PDE4DIP: variants seen among roughly 807,000 people sequenced by gnomAD.
PDE4DIP encodes the protein myomegalin.
In PDE4DIP, 59 loss-of-function variants were observed where a neutral mutation model predicts 221.4. That is an observed-to-expected ratio of 0.27 (90% CI 0.22 to 0.33). The LOEUF is 0.33. Among genes scored for constraint, PDE4DIP ranks in the 10% least tolerant of loss-of-function variants. The pLI, the probability that PDE4DIP is intolerant of heterozygous loss-of-function variation, is 1.00. For missense variants in PDE4DIP, 1,036 were observed against 2,154.2 expected (o/e 0.48, Z 10.28); for synonymous variants, 404 against 815.9 (o/e 0.50, Z 8.60).
At chr1:148,952,361 C>T (rs1437247200) in intron 5 of PDE4DIP, 5 of 1,062,858 alleles carry the variant, frequency 4.7e-6, no homozygotes, top group Non-Finnish European at 5.7e-6. Context: ...CCGCTGGCGC[C>T]ATCTTGAAAT....
chr1:149,013,971 A>T (rs1382584859), intron 32 of PDE4DIP, among the ~76,000 whole-genome samples: 1 of 151,690 alleles, frequency 6.6e-6, no homozygotes, highest in Admixed American at 6.6e-5. Flanking sequence ...TATTTTTTGT[A>T]GAGACAGGGT....
At chr1:148,922,811 T>G (rs1321675460) in intron 1 of PDE4DIP, among the ~76,000 whole-genome samples, 1 of 150,930 alleles carries the variant, frequency 6.6e-6, no homozygotes, top group East Asian at 2.0e-4. Context: ...ATGGTCTCAT[T>G]TCCTGACCTC....
intron 37 of PDE4DIP, chr1:149,024,215 T>C (rs1370853724): frequency 6.3e-6 from 3 of 476,858 alleles, no homozygotes; most frequent in African/African-American, 5.9e-5. Flanking sequence ...TCAAATGCTC[T>C]ATAGGTGCAT....
rs1431147654 is a variant in PDE4DIP at position 148,946,149 on chromosome 1, A to C, written c.636+8285A>C. 2.0e-5 allele frequency among the ~76,000 whole-genome samples: 3 copies of C among 152,080 alleles called. No homozygotes were observed. The East Asian group carries it at 5.8e-4, about 29-fold the overall frequency. On this transcript the variant is annotated intron_variant, in intron 5 of 43. Coordinates refer to ENST00000369354, the Ensembl canonical transcript of PDE4DIP. ...ATCTTTGCAGTGGGCTTAGAATTTC[A>C]TAAAAGTCTAGAAATGCAGTTGGCT...
In PDE4DIP at chr1:149,018,700, GTTTC is replaced by G. The variant is rs587653202; in HGVS notation, c.5770+46_5770+49del. On this transcript the variant is annotated intron_variant, in intron 35 of 43. Coordinates refer to ENST00000369354, the Ensembl canonical transcript of PDE4DIP. ...ACCCACAAACTGTGGTCACTCTTAA[GTTTC>G]TTTCTTCCCTGGCCACACTAATCAC... 87 of 945,446 alleles carry G rather than the reference GTTTC, an allele frequency of 9.2e-5. No homozygotes were observed. In the African/African-American group the frequency reaches 1.3e-3, roughly 15 times the overall value. 58.6% of individuals were successfully genotyped at this position (945,446 alleles called of 1,614,324 possible). A position where few individuals can be genotyped will look rare whatever the true frequency, so the allele number is the denominator to read the frequency against.
At chr1:149,032,006 T>C (rs782099823) in exon 44 of PDE4DIP, 135 of 1,610,632 alleles carry the variant, frequency 8.4e-5, no homozygotes, top group Non-Finnish European at 1.1e-4. Context: ...CCAGGAACCA[T>C]GCAAGAAGCG....
Position 149,021,309 on chromosome 1 carries a change from A to T in PDE4DIP, c.6085+156A>T, listed in dbSNP as rs587614612. Reference sequence around the variant, plus strand: ...CTGGGGCTCCCAGTAGGAGCTCTCAAACACAAAGCCCAACGGGACAGGTTG... The same window carrying T: ...CTGGGGCTCCCAGTAGGAGCTCTCATACACAAAGCCCAACGGGACAGGTTG... On this transcript the variant is annotated intron_variant, in intron 37 of 43. Coordinates refer to ENST00000369354, the Ensembl canonical transcript of PDE4DIP. The T allele has an allele frequency of 2.9e-4, 185 of 645,052 alleles. 1 individual carries two copies. The highest frequency in any genetic ancestry group is 5.9e-4 in the East Asian group (23 of 38,968). The allele number at this position is 645,052 out of a possible 1,614,324, so 40.0% of individuals were successfully genotyped here.
chr1:148,893,107 A>ATGT (rs1699344880), intron 1 of PDE4DIP, among the ~76,000 whole-genome samples: 2 of 58,306 alleles, frequency 3.4e-5, no homozygotes, highest in African/African-American at 1.4e-4. Context: ...GTGTGTATGT[A>ATGT]TTTTTTTTTT....
exon 44 of PDE4DIP, chr1:149,032,472 TGG>T (rs1559480774): frequency 2.7e-6 from 1 of 372,342 alleles, no homozygotes; most frequent in African/African-American, 2.0e-5. Context: ...CGGACACTGC[TGG>T]CGGGGGCTCA....
intron 41 of PDE4DIP, among the ~76,000 whole-genome samples, chr1:149,029,500 C>T (rs1239234879): frequency 6.6e-5 from 10 of 152,156 alleles, no homozygotes; most frequent in African/African-American, 2.4e-4. Flanking sequence ...GCAAGGTCCT[C>T]TTCAGAGTTG....
At chr1:148,984,612 G>A (rs2061604842) in intron 21 of PDE4DIP, 1 of 152,048 alleles carries the variant, frequency 6.6e-6, no homozygotes, top group African/African-American at 2.4e-5. Flanking sequence ...TTCAAAAACT[G>A]TTCAAGAAGA....
At chr1:148,948,419 C>A (rs1359225144) in intron 5 of PDE4DIP, among the ~76,000 whole-genome samples, 1 of 150,458 alleles carries the variant, frequency 6.6e-6, no homozygotes, top group Non-Finnish European at 1.5e-5. Flanking sequence ...TTGCAGTGAG[C>A]CGAGATTGTG....
intron 5 of PDE4DIP, chr1:148,953,521 A>G: frequency 6.2e-7 from 1 of 1,614,032 alleles, no homozygotes; most frequent in East Asian, 2.2e-5. Flanking sequence ...CTTTGGATGC[A>G]AGCGTCCAGG....
Position 148,864,963 on chromosome 1 carries a change from C to T in PDE4DIP, c.289+1658C>T, listed in dbSNP as rs1553405576. Among the ~76,000 whole-genome samples the T allele has an allele frequency of 2.2e-5, 3 of 136,642 alleles. 1 individual carries two copies. The highest frequency in any genetic ancestry group is 4.7e-5 in the Non-Finnish European group (3 of 64,198). 89.6% of individuals were successfully genotyped at this position (136,642 alleles called of 152,430 possible). A position where few individuals can be genotyped will look rare whatever the true frequency, so the allele number is the denominator to read the frequency against. On this transcript the variant is annotated intron_variant, in intron 2 of 45. Coordinates refer to the PDE4DIP transcript ENST00000524974. ...CAAATCCAAGCCTCAAGGCATTGCT[C>T]TTTCTATCATAGCCACCAATCTAAC...
Position 148,935,110 on chromosome 1 carries a change from A to G in PDE4DIP, c.519-2637A>G, listed in dbSNP as rs1227847160. ...ATGCCTGTAGTCCCAGCTACTCGGGAGGCTGAGGCAGGAGAATCGCTTGAA... is the reference window on the plus strand; with the variant it reads ...ATGCCTGTAGTCCCAGCTACTCGGGGGGCTGAGGCAGGAGAATCGCTTGAA... On this transcript the variant is annotated intron_variant, in intron 4 of 43. Coordinates refer to ENST00000369354, the Ensembl canonical transcript of PDE4DIP. Among the ~76,000 whole-genome samples the G allele has an allele frequency of 5.9e-5, 9 of 152,070 alleles. No homozygotes were observed. In the South Asian group the frequency reaches 1.9e-3, roughly 32 times the overall value.
rs1553540867 is a variant in PDE4DIP at position 148,979,864 on chromosome 1, G to T, written c.2687+15G>T. 1.6e-5 allele frequency: 25 copies of T among 1,609,338 alleles called. No individual in the cohort carries two copies. Among genetic ancestry groups the T allele is most frequent in the Non-Finnish European group, 2.1e-5 (25 of 1,177,368 alleles). ...CATCCAGAGAGGTAAGAGAGAGGCT[G>T]TTTTTTCTTTTATTCTTTATTGAAA... On this transcript the variant is annotated intron_variant, in intron 20 of 43. Transcript: ENST00000369354.
At chr1:148,930,590 C>T (rs1389434357) in intron 2 of PDE4DIP, 2 of 151,106 alleles carry the variant, frequency 1.3e-5, no homozygotes, top group African/African-American at 4.9e-5. Flanking sequence ...AATGCAATCC[C>T]ATTTACAATA....
At chr1:149,023,809 CATAT>C (rs1254053171) in intron 37 of PDE4DIP, among the ~76,000 whole-genome samples, 1 of 142,534 alleles carries the variant, frequency 7.0e-6, no homozygotes, top group Admixed American at 7.0e-5. Flanking sequence ...TATGTGTGCA[CATAT>C]ATATGTACAT....
chr1:148,978,352 T>C, exon 19 of PDE4DIP: 1 of 1,612,714 alleles, frequency 6.2e-7, no homozygotes, highest in Non-Finnish European at 8.5e-7. Flanking sequence ...TCTTACTTCT[T>C]CGGGAAAAAG....
Sources: gnomAD v4.1 joint callset for allele counts (sites outside exome capture counted in the v4.1 genomes callset) on GRCh38, gnomAD v4.1.1 for gene constraint, MANE v1.5 for transcripts, NCBI Gene and HGNC (gene_info 2026-07-23, HGNC 2026-07-21) for gene names.